ZRSR2: variants seen among roughly 807,000 people sequenced by gnomAD.
The protein encoded by ZRSR2 is zinc finger CCCH-type, RNA binding motif and serine/arginine rich 2, also known as U2 small nuclear ribonucleoprotein auxiliary factor 35 kDa subunit-related protein 2.
A neutral mutation model predicts 39.4 loss-of-function variants in ZRSR2; 3 were observed. That is an observed-to-expected ratio of 0.08 (90% confidence interval 0.03 to 0.20). The LOEUF (loss-of-function observed/expected upper bound fraction) is 0.20, where lower values mean the gene tolerates loss of function less well. ZRSR2 is among the 10% of genes least tolerant of loss of function. ZRSR2 has a pLI of 1.00. For missense variants in ZRSR2, 256 were observed against 391.5 expected (o/e 0.65, Z 2.92); for synonymous variants, 137 against 136.0 (o/e 1.01, Z -0.05).
rs142064485 is a variant in ZRSR2, at chrX:15,820,309, G to A, written c.930G>A (p.Ala310=). The A allele has an allele frequency of 7.2e-4, 872 of 1,205,247 alleles. 8 individuals carry two copies. In the African/African-American group the frequency reaches 0.013, roughly 19 times the overall value. The change falls in exon 10 of 11, where the codon GCG becomes GCA. Residue 310 remains alanine (A), a synonymous_variant. Coordinates refer to ENST00000307771, the MANE Select transcript of ZRSR2 (RefSeq NM_005089.4). The part of the protein sequence containing the change: ...EFCPVTRWKM[A]ICGLFEIQQC... ...GCCCCGTGACCCGGTGGAAAATGGC[G>A]ATTTGTGGTAAAAGACAAAGTGATG...
In ZRSR2 at chrX:15,820,250, T is replaced by C. The variant is rs772583622; in HGVS notation, c.871T>C (p.Trp291Arg). ...QAALSLFNGRWYAGRQLQCEF... is the reference protein window; with the variant it reads ...QAALSLFNGRRYAGRQLQCEF... Reference sequence around the variant, plus strand: ...AGCCCTTTCTCTGTTTAACGGACGATGGTATGCAGGACGACAGCTGCAGTG... The same window carrying C: ...AGCCCTTTCTCTGTTTAACGGACGACGGTATGCAGGACGACAGCTGCAGTG... Residue 291 changes from tryptophan (W) to arginine (R), a missense_variant, in exon 10 of 11, where the codon TGG becomes CGG. Around this residue, in one of 3 missense-constraint regions of ZRSR2, gnomAD observed 58 missense variants for 163.1 expected, o/e 0.36. Transcript: ENST00000307771. 8.3e-7 allele frequency: 1 copy of C among 1,211,698 alleles called. No individual in the cohort carries two copies. The highest frequency in any genetic ancestry group is 1.1e-6 in the Non-Finnish European group (1 of 895,344).
chrX:15,810,722 A>G (rs1240093355), intron 7 of ZRSR2, among the ~76,000 whole-genome samples: 1 of 109,079 alleles, frequency 9.2e-6, no homozygotes, highest in Non-Finnish European at 1.9e-5. Context: ...AGTTGAGTAA[A>G]TCAGAATATC....
intron 2 of ZRSR2, among the ~76,000 whole-genome samples, chrX:15,797,574 A>C (rs1429235829): frequency 8.9e-6 from 1 of 112,016 alleles, no homozygotes; most frequent in Non-Finnish European, 1.9e-5. Flanking sequence ...ACTAGTATGT[A>C]CATATATTTT....
chrX:15,804,219 G>A, intron 5 of ZRSR2, 22 bp downstream of exon 5: 1 of 1,158,444 alleles, frequency 8.6e-7, no homozygotes, highest in Non-Finnish European at 1.1e-6. Context: ...CATGGGATGT[G>A]CTGTGTGATG....
Position 15,822,829 on chromosome X carries a change from A to T in ZRSR2, c.1036A>T (p.Ile346Phe). The T allele has an allele frequency of 2.5e-6, 3 of 1,212,463 alleles. No individual in the cohort carries two copies. The highest frequency in any genetic ancestry group is 3.3e-6 in the Non-Finnish European group (3 of 895,692). ...TGAATTCTGGGAAGCTAATAGAGAC[A>T]TCTACTTGTCTCCAGATCGGACTGG... ...NNEFWEANRD[I>F]YLSPDRTGSS... Residue 346 changes from isoleucine (I) to phenylalanine (F), a missense_variant, in exon 11 of 11, where the codon ATC (isoleucine) becomes TTC (phenylalanine). Physicochemically the swap from Ile to Phe is conservative, Grantham distance 21. Coordinates refer to ENST00000307771, the MANE Select transcript of ZRSR2 (RefSeq NM_005089.4).
intron 8 of ZRSR2, among the ~76,000 whole-genome samples, chrX:15,816,662 A>T (rs1932982643): frequency 9.0e-6 from 1 of 111,114 alleles, no homozygotes; most frequent in African/African-American, 3.3e-5. Context: ...ATTTCATCAG[A>T]TCTGAGCTGG....
chrX:15,816,342 C>T (rs1932975845), intron 8 of ZRSR2, among the ~76,000 whole-genome samples: 1 of 111,595 alleles, frequency 9.0e-6, no homozygotes, highest in South Asian at 3.7e-4. Flanking sequence ...TTGACAGTGC[C>T]GACTTAGCTT....
At chrX:15,820,449 CTT>C in intron 10 of ZRSR2, 133 bp downstream of exon 10, 1 of 537,002 alleles carries the variant, frequency 1.9e-6, no homozygotes, top group African/African-American at 2.3e-5. Flanking sequence ...GAGCAGAGAA[CTT>C]TATATAAAGA....
chrX:15,814,485 T>G (rs1205323561), intron 7 of ZRSR2, among the ~76,000 whole-genome samples: 1 of 111,070 alleles, frequency 9.0e-6, no homozygotes, highest in Non-Finnish European at 1.9e-5. Flanking sequence ...ATTATCCGGG[T>G]GTGGTGGCAT....
At position 15,820,648 on chromosome X, in the gene ZRSR2, G is replaced by A. The variant is rs749043551; in HGVS notation, c.937+332G>A. 4.4e-3 allele frequency among the ~76,000 whole-genome samples: 497 copies of A among 112,149 alleles called. 4 individuals are homozygous for A. Among genetic ancestry groups the A allele is most frequent in the African/African-American group, 0.015 (478 of 30,857 alleles). Reference sequence around the variant, plus strand: ...CGTCTGTGGAAGCCCCATTTCCCTTGTTGCAGTTTCAGAGGTATTTTATAT... The same window carrying A: ...CGTCTGTGGAAGCCCCATTTCCCTTATTGCAGTTTCAGAGGTATTTTATAT... On this transcript the variant is annotated intron_variant, in intron 10 of 10. Transcript: ENST00000307771.
chrX:15,800,408 A>T (rs1306601325), intron 3 of ZRSR2, among the ~76,000 whole-genome samples: 1 of 109,777 alleles, frequency 9.1e-6, no homozygotes, highest in Non-Finnish European at 1.9e-5. Flanking sequence ...GGTGGTCTTG[A>T]TCTCTTGTGA....
chrX:15,808,088 A>G, intron 5 of ZRSR2, 145 bp from the exon 6 acceptor site: 1 of 555,272 alleles, frequency 1.8e-6, no homozygotes, highest in Non-Finnish European at 3.1e-6. Context: ...AAAGCTTTTC[A>G]AAAGATCTGT....
intron 2 of ZRSR2, among the ~76,000 whole-genome samples, chrX:15,793,892 G>A (rs1932362820): frequency 8.9e-6 from 1 of 112,429 alleles, no homozygotes; most frequent in Non-Finnish European, 1.9e-5. Context: ...TTACCCAGAA[G>A]GCTAGAATGT....
intron 8 of ZRSR2, among the ~76,000 whole-genome samples, chrX:15,817,322 T>C (rs1016696509): frequency 3.6e-5 from 4 of 111,747 alleles, no homozygotes; most frequent in Non-Finnish European, 7.5e-5. Context: ...CTAAGGGTGG[T>C]GTTACAAACT....
rs201185678 is a variant in ZRSR2, at chrX:15,809,208, T to C, written c.447T>C (p.Asn149=). 1.1e-4 allele frequency: 133 copies of C among 1,203,330 alleles called. No homozygotes were observed. The highest frequency in any genetic ancestry group is 2.2e-5 in the Admixed American group (1 of 45,762). Reference sequence around the variant, plus strand: ...ATGGTTATTTTCAACAGTTGGAAAATGGTACCACATGGCAAAACCCAGAAC... The same window carrying C: ...ATGGTTATTTTCAACAGTTGGAAAACGGTACCACATGGCAAAACCCAGAAC... ...MLDQAENELE[N]GTTWQNPEPP... The change falls in exon 7 of 11, where the codon AAT becomes AAC. Residue 149 remains asparagine (N), a synonymous_variant. Coordinates refer to ENST00000307771, the MANE Select transcript of ZRSR2 (RefSeq NM_005089.4).
intron 3 of ZRSR2, 124 bp downstream of exon 3, chrX:15,800,077 T>C (rs772386264): frequency 3.0e-4 from 108 of 359,587 alleles, no homozygotes; most frequent in African/African-American, 2.7e-3. Flanking sequence ...TAAAATATCC[T>C]GTATAAAGTA....
intron 2 of ZRSR2, 119 bp downstream of exon 2, chrX:15,791,132 G>T: frequency 1.7e-6 from 1 of 603,203 alleles, no homozygotes; most frequent in South Asian, 2.8e-5. Context: ...AAATAGCTGT[G>T]ACTTCTGCCC....
At chrX:15,801,594 C>T (rs1932675106) in intron 3 of ZRSR2, 1 of 146,974 alleles carries the variant, frequency 6.8e-6, no homozygotes. Flanking sequence ...AAGTCAATCA[C>T]AGTATCCACC....
At chrX:15,815,571 T>C in intron 7 of ZRSR2, 106 bp from the exon 8 acceptor site, 1 of 670,184 alleles carries the variant, frequency 1.5e-6, no homozygotes, top group Non-Finnish European at 2.3e-6. Flanking sequence ...CCTCCCAAAG[T>C]GTTGGGATTA....
Sources: gnomAD v4.1 joint callset for allele counts (sites outside exome capture counted in the v4.1 genomes callset) on GRCh38, gnomAD v4.1.1 for gene constraint, gnomAD v4.1.1 regional missense constraint, MANE v1.5 for transcripts, NCBI Gene and HGNC (gene_info 2026-07-23, HGNC 2026-07-21) for gene names.